PIK3C3: variants seen among roughly 807,000 people sequenced by gnomAD.
PIK3C3 encodes phosphatidylinositol 3-kinase catalytic subunit type 3.
PIK3C3 carries 95 observed loss-of-function variants against 126.1 expected under a neutral mutation model. The observed-to-expected ratio is 0.75, with a 90% CI of 0.64 to 0.89. The LOEUF (loss-of-function observed/expected upper bound fraction) is 0.89, where lower values mean the gene tolerates loss of function less well. Ranked by LOEUF, PIK3C3 falls within the 40% of genes least tolerant of loss-of-function variation. The pLI, the probability that PIK3C3 is intolerant of heterozygous loss-of-function variation, is 0.00. For synonymous variants in PIK3C3, 374 were observed against 360.0 expected (o/e 1.04, Z -0.44); for missense variants, 829 against 1,063.2 (o/e 0.78, Z 3.06).
At chr18:42,020,752 T>G (rs1037302905) in intron 13 of PIK3C3, 47 bp downstream of exon 13, 1 of 1,040,198 alleles carries the variant, frequency 9.6e-7, no homozygotes, top group Non-Finnish European at 1.5e-6. Flanking sequence ...CCCTTAAGAA[T>G]TATTTTTTCT....
intron 18 of PIK3C3, among the ~76,000 whole-genome samples, chr18:42,039,146 A>C (rs1179782887): frequency 1.8e-4 from 27 of 152,064 alleles, no homozygotes; most frequent in Admixed American, 1.8e-3. Context: ...CACACAAACC[A>C]TTTAAGTCTT....
At chr18:42,014,349 A>G (rs900435836) in intron 11 of PIK3C3, among the ~76,000 whole-genome samples, 1 of 152,142 alleles carries the variant, frequency 6.6e-6, no homozygotes, top group Admixed American at 6.5e-5. Context: ...ATAATAGCAT[A>G]TTATTTGAAT....
chr18:41,957,461 T>A (rs193199627), intron 1 of PIK3C3, 109 bp from the exon 2 acceptor site: 3 of 1,017,256 alleles, frequency 2.9e-6, no homozygotes, highest in Non-Finnish European at 4.2e-6. Flanking sequence ...TTAGTACTTA[T>A]GCATATATGT....
intron 15 of PIK3C3, among the ~76,000 whole-genome samples, chr18:42,030,281 C>T (rs1983764702): frequency 6.6e-6 from 1 of 152,208 alleles, no homozygotes; most frequent in Non-Finnish European, 1.5e-5. Context: ...ATCAGTCTGT[C>T]TCTCAACTAT....
At chr18:41,977,819 A>G (rs1240671214) in intron 4 of PIK3C3, among the ~76,000 whole-genome samples, 2 of 152,146 alleles carry the variant, frequency 1.3e-5, no homozygotes, top group African/African-American at 2.4e-5. Context: ...GATCACAAAA[A>G]ATGATGCAGC....
rs138446987 is a variant in PIK3C3, at chr18:42,005,302, G to A, written c.1170+761G>A. On this transcript the variant is annotated intron_variant, in intron 10 of 24. Coordinates refer to ENST00000262039, the MANE Select transcript of PIK3C3 (RefSeq NM_002647.4). ...ACTAAATACCTTAGGCAGTTGTAACGCAATGCTAAGTATTTGTGTATCTAA... is the reference window on the plus strand; with the variant it reads ...ACTAAATACCTTAGGCAGTTGTAACACAATGCTAAGTATTTGTGTATCTAA... Among the ~76,000 whole-genome samples the A allele has an allele frequency of 7.5e-3, 1,137 of 152,252 alleles. 18 individuals carry two copies. Among genetic ancestry groups the A allele is most frequent in the Non-Finnish European group, 0.011 (755 of 68,020 alleles).
At chr18:42,068,623 C>T (rs1347217628) in intron 24 of PIK3C3, among the ~76,000 whole-genome samples, 1 of 152,050 alleles carries the variant, frequency 6.6e-6, no homozygotes, top group Non-Finnish European at 1.5e-5. Flanking sequence ...ACTTTTCCCA[C>T]ATTAGCTGAT....
At chr18:41,992,764 T>C (rs1422095057) in intron 6 of PIK3C3, among the ~76,000 whole-genome samples, 1 of 152,174 alleles carries the variant, frequency 6.6e-6, no homozygotes, top group African/African-American at 2.4e-5. Flanking sequence ...ATTCTCTAGC[T>C]GTGTGTAAAT....
At chr18:42,065,737 T>C (rs1023567142) in intron 23 of PIK3C3, among the ~76,000 whole-genome samples, 2 of 152,158 alleles carry the variant, frequency 1.3e-5, no homozygotes, top group Admixed American at 6.5e-5. Flanking sequence ...TATTTAAAGT[T>C]GTGGTTAATT....
chr18:42,043,552 CT>C (rs1221819049), intron 19 of PIK3C3, among the ~76,000 whole-genome samples, 180 bp from the exon 20 acceptor site: 1 of 152,080 alleles, frequency 6.6e-6, no homozygotes. Context: ...ACAGTTTCCC[CT>C]AATGGAAACT....
chr18:41,982,710 A>C (rs1981267241), intron 4 of PIK3C3, among the ~76,000 whole-genome samples: 1 of 152,212 alleles, frequency 6.6e-6, no homozygotes, highest in Non-Finnish European at 1.5e-5. Flanking sequence ...CTACCACTCA[A>C]AGATAATCAC....
chr18:42,010,319 G>GT (rs1006419264), intron 10 of PIK3C3, among the ~76,000 whole-genome samples: 2 of 152,002 alleles, frequency 1.3e-5, no homozygotes, highest in Admixed American at 6.6e-5. Flanking sequence ...TCTAATTCTA[G>GT]TTTTTTTGCT....
chr18:42,025,283 A>G (rs1186922805), intron 13 of PIK3C3: 2 of 152,254 alleles, frequency 1.3e-5, no homozygotes, highest in African/African-American at 4.8e-5. Flanking sequence ...TGACGGAGAT[A>G]ATCAAGGACT....
intron 4 of PIK3C3, among the ~76,000 whole-genome samples, chr18:41,981,007 T>G (rs1334799303): frequency 6.6e-6 from 1 of 152,222 alleles, no homozygotes; most frequent in Non-Finnish European, 1.5e-5. Flanking sequence ...GCTATCAAAT[T>G]TATTCATTGA....
rs952770704 is a variant in PIK3C3 at position 42,013,651 on chromosome 18, A to C, written c.1325+55A>C. 5 of 1,340,566 alleles carry C rather than the reference A, an allele frequency of 3.7e-6. 1 individual carries two copies. In the South Asian group the frequency reaches 6.4e-5, roughly 17 times the overall value. 83.0% of individuals were successfully genotyped at this position (1,340,566 alleles called of 1,614,324 possible). Reference sequence around the variant, plus strand: ...TAGTTTGTTAATTTTTCCCTTTTCAAATTGTTTTCTCTTTTCCTTTCCTTA... The same window carrying C: ...TAGTTTGTTAATTTTTCCCTTTTCACATTGTTTTCTCTTTTCCTTTCCTTA... On this transcript the variant is annotated intron_variant, in intron 11 of 24. Coordinates refer to ENST00000262039, the MANE Select transcript of PIK3C3 (RefSeq NM_002647.4).
chr18:42,046,562 T>TAAC (rs973323303), intron 20 of PIK3C3, among the ~76,000 whole-genome samples: 2 of 152,150 alleles, frequency 1.3e-5, no homozygotes, highest in Non-Finnish European at 1.5e-5. Context: ...ATAAAAAAAC[T>TAAC]AACAACATTG....
intron 4 of PIK3C3, among the ~76,000 whole-genome samples, chr18:41,987,522 C>A (rs1981544182): frequency 6.6e-6 from 1 of 151,890 alleles, no homozygotes; most frequent in Non-Finnish European, 1.5e-5. Flanking sequence ...TTGTAATAGT[C>A]AAAATACAAG....
intron 4 of PIK3C3, chr18:41,985,187 A>G (rs1981405894): frequency 6.6e-6 from 1 of 152,196 alleles, no homozygotes; most frequent in South Asian, 2.1e-4. Context: ...GTGAGACTAC[A>G]AGAAAAAATT....
intron 4 of PIK3C3, chr18:41,971,400 T>A (rs900393747): frequency 1.3e-5 from 2 of 152,136 alleles, no homozygotes; most frequent in East Asian, 3.8e-4. Flanking sequence ...ACAGAATTTT[T>A]GTCAAGTTCA....
Sources: gnomAD v4.1 joint callset for allele counts (sites outside exome capture counted in the v4.1 genomes callset) on GRCh38, gnomAD v4.1.1 for gene constraint, MANE v1.5 for transcripts, NCBI Gene and HGNC (gene_info 2026-07-23, HGNC 2026-07-21) for gene names.